The following YY1 variants were observed in gnomAD, a reference collection of about 807,000 sequenced individuals.
The protein encoded by YY1 is transcriptional repressor protein YY1.
Under a neutral mutation model 35.6 loss-of-function variants are expected in YY1, and 2 were observed. That is an observed-to-expected ratio of 0.06 (90% confidence interval 0.02 to 0.18). The LOEUF (loss-of-function observed/expected upper bound fraction) is 0.18, where lower values mean the gene tolerates loss of function less well. Among genes scored for constraint, YY1 ranks in the 10% least tolerant of loss-of-function variants. The pLI, the probability that YY1 is intolerant of heterozygous loss-of-function variation, is 1.00. For missense variants in YY1, 322 were observed against 573.4 expected (o/e 0.56, Z 4.48); for synonymous variants, 268 against 238.9 (o/e 1.12, Z -1.12).
At chr14:100,267,713 A>G (rs1354066048) in intron 2 of YY1, among the ~76,000 whole-genome samples, 1 of 152,036 alleles carries the variant, frequency 6.6e-6, no homozygotes, top group Non-Finnish European at 1.5e-5. Context: ...TAGTAGAGAC[A>G]GGGTTTCACC....
intron 2 of YY1, among the ~76,000 whole-genome samples, chr14:100,266,554 G>A (rs894899995): frequency 1.3e-5 from 2 of 152,076 alleles, no homozygotes; most frequent in African/African-American, 4.8e-5. Flanking sequence ...AGGGACACAT[G>A]TTACTGTTGG....
chr14:100,270,704 T>C (rs1442147980), intron 2 of YY1, among the ~76,000 whole-genome samples: 1 of 152,166 alleles, frequency 6.6e-6, no homozygotes, highest in African/African-American at 2.4e-5. Flanking sequence ...TATGGTAAAG[T>C]CTACCCCCCT....
chr14:100,276,381 G>GAACC lies in YY1; in HGVS notation c.904-109_904-108insAACC. ...TAATACTAAGTAAAATTAAAATGGGGGGTTGGGGAGGTGGTTTTGTTTTAA... is the reference window on the plus strand; with the variant it reads ...TAATACTAAGTAAAATTAAAATGGGGAACCGGTTGGGGAGGTGGTTTTGTTTTAA... On this transcript the variant is annotated intron_variant, in intron 3 of 4. Coordinates refer to ENST00000262238, the MANE Select transcript of YY1 (RefSeq NM_003403.5). The surrounding 1 kb of genome is among the most constrained non-coding windows in gnomAD (Gnocchi z 4.1). 6.9e-7 allele frequency: 1 copy of GAACC among 1,441,888 alleles called. No individual in the cohort carries two copies. Among genetic ancestry groups the GAACC allele is most frequent in the Non-Finnish European group, 9.7e-7 (1 of 1,033,588 alleles). The allele number at this position is 1,441,888 out of a possible 1,614,324, so 89.3% of individuals were successfully genotyped here.
intron 1 of YY1, among the ~76,000 whole-genome samples, chr14:100,260,444 T>C (rs201509866): frequency 0.033 from 4,214 of 126,956 alleles, 148 homozygotes; most frequent in African/African-American, 0.095. Flanking sequence ...TATATATATA[T>C]ATACACACAC....
At chr14:100,249,100 A>ATT (rs60088505) in intron 1 of YY1, among the ~76,000 whole-genome samples, 2,219 of 46,738 alleles carry the variant, frequency 0.047, 303 homozygotes, top group Non-Finnish European at 0.063. Flanking sequence ...TTCTCGTGTA[A>ATT]TTTTTTTTTT....
At chr14:100,254,903 A>T (rs1248215284) in intron 1 of YY1, among the ~76,000 whole-genome samples, 1 of 124,288 alleles carries the variant, frequency 8.0e-6, no homozygotes, top group African/African-American at 3.1e-5. Context: ...CTCCCAAGTT[A>T]GCTGGGATTA....
intron 1 of YY1, among the ~76,000 whole-genome samples, chr14:100,261,550 C>T (rs901590774): frequency 2.6e-5 from 4 of 152,100 alleles, no homozygotes; most frequent in Non-Finnish European, 5.9e-5. Flanking sequence ...TGTAAATGCA[C>T]GGGATCAAAA....
chr14:100,273,740 T>G (rs1258132561), intron 2 of YY1, among the ~76,000 whole-genome samples: 1 of 152,146 alleles, frequency 6.6e-6, no homozygotes, highest in East Asian at 1.9e-4. Context: ...AAAGAAAATC[T>G]GTTTCCGAGA....
At chr14:100,265,542 A>G (rs1350261443) in intron 2 of YY1, 2 of 152,240 alleles carry the variant, frequency 1.3e-5, no homozygotes, top group Non-Finnish European at 2.9e-5. Context: ...TCCAGCCCCA[A>G]CTTACTTCCT....
intron 1 of YY1, among the ~76,000 whole-genome samples, chr14:100,250,052 C>T (rs1890901663): frequency 6.6e-6 from 1 of 152,144 alleles, no homozygotes; most frequent in African/African-American, 2.4e-5. Context: ...GGATTACAGG[C>T]GTGAGCCACT....
At chr14:100,256,874 T>C (rs1891012853) in intron 1 of YY1, among the ~76,000 whole-genome samples, 1 of 152,014 alleles carries the variant, frequency 6.6e-6, no homozygotes, top group African/African-American at 2.4e-5. Flanking sequence ...TTTTTTTTTT[T>C]TTTACGAAAA....
At chr14:100,271,513 C>T (rs1891238271) in intron 2 of YY1, among the ~76,000 whole-genome samples, 1 of 152,094 alleles carries the variant, frequency 6.6e-6, no homozygotes, top group Non-Finnish European at 1.5e-5. Context: ...GGTTGAGCAT[C>T]CTTTATTCAA....
In YY1 at chr14:100,277,259, C is replaced by T. The variant is rs1487104511; in HGVS notation, c.1063-159C>T. On this transcript the variant is annotated intron_variant, in intron 4 of 4. Coordinates refer to ENST00000262238, the MANE Select transcript of YY1 (RefSeq NM_003403.5). The surrounding 1 kb of genome is among the most constrained non-coding windows in gnomAD (Gnocchi z 5.6). ...GGGTTTTCGGGGTTGTCCAACCTGC[C>T]TGCTGATTCTAGACTATATCCACAA... is the stretch of plus-strand genomic sequence containing the variant. 3 of 925,780 alleles carry T rather than the reference C, an allele frequency of 3.2e-6. No individual in the cohort carries two copies. The highest frequency in any genetic ancestry group is 2.8e-5 in the South Asian group (2 of 70,516). 57.3% of individuals were successfully genotyped at this position (925,780 alleles called of 1,614,324 possible). A position where few individuals can be genotyped will look rare whatever the true frequency, so the allele number is the denominator to read the frequency against.
At chr14:100,266,903 A>G (rs762621943) in intron 2 of YY1, among the ~76,000 whole-genome samples, 32 of 152,364 alleles carry the variant, frequency 2.1e-4, no homozygotes, top group Non-Finnish European at 4.1e-4. Context: ...CTGAGGAGGT[A>G]ATTTGAAGAT....
In YY1 at chr14:100,250,618, G is replaced by T. The variant is rs182549037; in HGVS notation, c.679+10695G>T. Among the ~76,000 whole-genome samples, 317 of 152,234 alleles carry T rather than the reference G, an allele frequency of 2.1e-3. 1 individual carries two copies. Among genetic ancestry groups the T allele is most frequent in the African/African-American group, 7.2e-3 (300 of 41,536 alleles). On this transcript the variant is annotated intron_variant, in intron 1 of 4. Transcript: ENST00000262238. Reference sequence around the variant, plus strand: ...TCTGAGGAAATAAAATGTTTCTTAGGAATGAATTCCTTTGTGTATGAAGGG... The same window carrying T: ...TCTGAGGAAATAAAATGTTTCTTAGTAATGAATTCCTTTGTGTATGAAGGG...
At chr14:100,240,395 C>G (rs1279253275) in intron 1 of YY1, among the ~76,000 whole-genome samples, 3 of 151,144 alleles carry the variant, frequency 2.0e-5, no homozygotes, top group East Asian at 3.9e-4. Context: ...CGCCCCCGCC[C>G]CCGCCCGGCG....
chr14:100,276,379 G>T lies in YY1; in HGVS notation c.904-111G>T, dbSNP rs977456403. The stretch of plus-strand genomic sequence containing the variant: ...CGTAATACTAAGTAAAATTAAAATG[G>T]GGGGTTGGGGAGGTGGTTTTGTTTT... On this transcript the variant is annotated intron_variant, in intron 3 of 4. Transcript: ENST00000262238. The surrounding 1 kb of genome is among the most constrained non-coding windows in gnomAD (Gnocchi z 4.1). 4 of 1,416,440 alleles carry T rather than the reference G, an allele frequency of 2.8e-6. No individual in the cohort carries two copies. In the Admixed American group the frequency reaches 7.2e-5, roughly 25 times the overall value. The allele number at this position is 1,416,440 out of a possible 1,614,324, so 87.7% of individuals were successfully genotyped here.
At chr14:100,275,129 A>G (rs1451657749) in intron 3 of YY1, among the ~76,000 whole-genome samples, 2 of 152,238 alleles carry the variant, frequency 1.3e-5, no homozygotes, top group African/African-American at 4.8e-5. Flanking sequence ...TGTTGCTAAA[A>G]TAAGCCAAAT....
intron 1 of YY1, among the ~76,000 whole-genome samples, chr14:100,259,505 G>A (rs578039746): frequency 6.6e-6 from 1 of 151,836 alleles, no homozygotes; most frequent in East Asian, 1.9e-4. Flanking sequence ...GGGTGACAGA[G>A]CGAGACTCCG....
Sources: allele counts gnomAD v4.1 joint callset (sites outside exome capture counted in the v4.1 genomes callset), GRCh38; gene constraint gnomAD v4.1.1; non-coding constraint Gnocchi (gnomAD v3.1); transcripts MANE v1.5; gene names NCBI Gene and HGNC (gene_info 2026-07-23, HGNC 2026-07-21).